VAC14: variants seen among roughly 807,000 people sequenced by gnomAD.
VAC14 encodes VAC14 component of PIKFYVE complex, also known as protein VAC14 homolog.
Under a neutral mutation model 85.3 loss-of-function variants are expected in VAC14, and 47 were observed. The observed-to-expected ratio is 0.55, with a 90% CI of 0.44 to 0.70. VAC14 has a LOEUF of 0.70. VAC14 is among the 30% of genes least tolerant of loss of function. The pLI is 0.00. For synonymous variants in VAC14, 447 were observed against 430.5 expected (o/e 1.04, Z -0.47); for missense variants, 861 against 1,004.3 (o/e 0.86, Z 1.93).
intron 3 of VAC14, 130 bp downstream of exon 3, chr16:70,785,572 A>G: frequency 9.3e-7 from 1 of 1,073,658 alleles, no homozygotes; most frequent in Non-Finnish European, 1.3e-6. Flanking sequence ...AACAGACAGT[A>G]AGTGTCCCTT....
rs749530884 is a variant in VAC14 at position 70,786,362 on chromosome 16, C to G, written c.108G>C (p.Leu36=). The stretch of plus-strand genomic sequence containing the variant: ...TGTTCTGGGCCACGAACTCCCGGAC[C>G]AGCCTGGAGAGAGAGGAGAGAGGGG... ...RKVAALEIEK[L]VREFVAQNNT... The change falls in exon 2 of 19, where the codon CTG becomes CTC. Residue 36 remains leucine, a synonymous_variant. Transcript: ENST00000261776. 1 of 1,613,484 alleles carries G rather than the reference C, an allele frequency of 6.2e-7. No individual in the cohort carries two copies. Among genetic ancestry groups the G allele is most frequent in the African/African-American group, 1.3e-5 (1 of 75,038 alleles).
At chr16:70,740,544 G>A (rs1693375039) in intron 13 of VAC14, among the ~76,000 whole-genome samples, 1 of 152,210 alleles carries the variant, frequency 6.6e-6, no homozygotes, top group South Asian at 2.1e-4. Context: ...ACAGGCTCAG[G>A]GTACGGCGGG....
chr16:70,697,795 G>A (rs150444330), intron 15 of VAC14, among the ~76,000 whole-genome samples: 3 of 152,348 alleles, frequency 2.0e-5, no homozygotes, highest in East Asian at 3.9e-4. Flanking sequence ...ACCACAGGAG[G>A]GAGGCAGGGC....
chr16:70,781,511 G>C (rs1032402356), intron 8 of VAC14, among the ~76,000 whole-genome samples: 1 of 152,070 alleles, frequency 6.6e-6, no homozygotes, highest in Non-Finnish European at 1.5e-5. Context: ...TGTCATACTG[G>C]TGCCCCTGTG....
chr16:70,757,070 C>G (rs373951233), intron 12 of VAC14, among the ~76,000 whole-genome samples: 2 of 152,156 alleles, frequency 1.3e-5, no homozygotes, highest in African/African-American at 4.8e-5. Context: ...TCTGAAGCTA[C>G]GGGAGGGGGA....
At chr16:70,755,019 C>G (rs2031716179) in intron 12 of VAC14, 1 of 175,026 alleles carries the variant, frequency 5.7e-6, no homozygotes, top group Non-Finnish European at 1.2e-5. Context: ...AACCCCAGTA[C>G]CCTGGGAAGA....
At chr16:70,709,396 C>G (rs560861242) in intron 14 of VAC14, among the ~76,000 whole-genome samples, 132 of 152,182 alleles carry the variant, frequency 8.7e-4, no homozygotes, top group Non-Finnish European at 1.6e-3. Flanking sequence ...CTGGTGTGGA[C>G]TGGAGCGAGT....
At chr16:70,736,289 A>T (rs1224750447) in intron 13 of VAC14, among the ~76,000 whole-genome samples, 1 of 152,220 alleles carries the variant, frequency 6.6e-6, no homozygotes, top group Non-Finnish European at 1.5e-5. Context: ...CACTCAGTAC[A>T]CGGGGGCTCC....
chr16:70,765,348 C>T (rs961780251), intron 10 of VAC14, among the ~76,000 whole-genome samples: 1 of 152,152 alleles, frequency 6.6e-6, no homozygotes, highest in African/African-American at 2.4e-5. Flanking sequence ...GTGACCAGGT[C>T]CCCTACTCCA....
intron 17 of VAC14, among the ~76,000 whole-genome samples, chr16:70,693,811 T>G (rs936933718): frequency 2.0e-5 from 3 of 152,328 alleles, no homozygotes; most frequent in East Asian, 1.9e-4. Flanking sequence ...TTGTGGAGGA[T>G]ATGCCATGTG....
chr16:70,706,506 G>C (rs552574854), intron 14 of VAC14, among the ~76,000 whole-genome samples: 2 of 152,144 alleles, frequency 1.3e-5, no homozygotes, highest in Non-Finnish European at 2.9e-5. Context: ...ACAGAGGGGC[G>C]AGCCCTTGTT....
intron 1 of VAC14, among the ~76,000 whole-genome samples, chr16:70,789,236 AG>A (rs2143303008): frequency 6.6e-6 from 1 of 152,332 alleles, no homozygotes; most frequent in South Asian, 2.1e-4. Flanking sequence ...AGGGGGAAAA[AG>A]CCCCCCAAAG....
chr16:70,689,138 GCTTC>G, intron 18 of VAC14: 1 of 977,356 alleles, frequency 1.0e-6, no homozygotes. Flanking sequence ...TAACTCCACC[GCTTC>G]CTAGCGGTGT....
At chr16:70,713,822 C>T (rs947954456) in intron 14 of VAC14, among the ~76,000 whole-genome samples, 23 of 151,768 alleles carry the variant, frequency 1.5e-4, no homozygotes, top group African/African-American at 5.3e-4. Context: ...GGGATTCTGG[C>T]GTGAGCCACT....
intron 3 of VAC14, among the ~76,000 whole-genome samples, chr16:70,785,344 G>A (rs940781813): frequency 3.3e-5 from 5 of 152,206 alleles, no homozygotes; most frequent in Non-Finnish European, 7.3e-5. Context: ...GGGCACTTAT[G>A]AGCTAGACTA....
intron 14 of VAC14, among the ~76,000 whole-genome samples, chr16:70,710,975 T>C (rs1597868251): frequency 1.3e-5 from 2 of 152,374 alleles, no homozygotes; most frequent in South Asian, 4.1e-4. Flanking sequence ...TTCTGGTTTC[T>C]GGGGGCACCT....
intron 16 of VAC14, among the ~76,000 whole-genome samples, chr16:70,696,333 T>C (rs1466871370): frequency 6.6e-6 from 1 of 152,140 alleles, no homozygotes; most frequent in Non-Finnish European, 1.5e-5. Context: ...GCCAACATGG[T>C]GAGACCCTGT....
At chr16:70,755,970 C>T (rs906753469) in intron 12 of VAC14, 1 of 456,178 alleles carries the variant, frequency 2.2e-6, no homozygotes. Flanking sequence ...AGGTGGGACC[C>T]CAGGCCAAAG....
intron 14 of VAC14, among the ~76,000 whole-genome samples, chr16:70,724,854 T>C (rs1441820341): frequency 1.3e-5 from 2 of 152,196 alleles, no homozygotes; most frequent in African/African-American, 4.8e-5. Context: ...CCTGTCTCCC[T>C]CCCCTCAGCT....
Sources: gnomAD v4.1 joint callset for allele counts (sites outside exome capture counted in the v4.1 genomes callset) on GRCh38, gnomAD v4.1.1 for gene constraint, MANE v1.5 for transcripts, NCBI Gene and HGNC (gene_info 2026-07-23, HGNC 2026-07-21) for gene names.